Variants in LRRC49 observed in about 807,000 individuals in gnomAD.
The protein encoded by LRRC49 is leucine rich repeat containing 49, also known as leucine-rich repeat-containing protein 49.
A neutral mutation model predicts 83.3 loss-of-function variants in LRRC49; 50 were observed. That is an observed-to-expected ratio of 0.60 (90% CI 0.48 to 0.76). The LOEUF (loss-of-function observed/expected upper bound fraction) is 0.76, where lower values mean the gene tolerates loss of function less well. Among genes scored for constraint, LRRC49 ranks in the 30% least tolerant of loss-of-function variants. The probability of loss-of-function intolerance (pLI) is 0.00; values close to 1 mark genes in which losing one functional copy is unlikely to be tolerated. For missense variants in LRRC49, 704 were observed against 809.1 expected (o/e 0.87, Z 1.58); for synonymous variants, 286 against 283.3 (o/e 1.01, Z -0.10).
At chr15:70,924,393 C>T (rs1427044312) in intron 7 of LRRC49, among the ~76,000 whole-genome samples, 1 of 151,588 alleles carries the variant, frequency 6.6e-6, no homozygotes, top group African/African-American at 2.4e-5. Flanking sequence ...TTTTTATTTT[C>T]TTCTGTCTTA....
At chr15:70,870,262 T>A (rs1488666779) in intron 1 of LRRC49, among the ~76,000 whole-genome samples, 2 of 152,258 alleles carry the variant, frequency 1.3e-5, no homozygotes, top group African/African-American at 4.8e-5. Context: ...CAAATTGAAT[T>A]GGGAGGGATT....
intron 11 of LRRC49, among the ~76,000 whole-genome samples, chr15:70,990,441 G>T (rs969840742): frequency 6.6e-6 from 1 of 152,230 alleles, no homozygotes; most frequent in Non-Finnish European, 1.5e-5. Flanking sequence ...TCCGAGCCAG[G>T]TGCGGGATAT....
At chr15:71,043,863 G>T (rs992866367) in intron 15 of LRRC49, among the ~76,000 whole-genome samples, 7 of 152,022 alleles carry the variant, frequency 4.6e-5, no homozygotes, top group Admixed American at 2.0e-4. Context: ...TCATTTAATT[G>T]TTTTAATTTT....
At chr15:70,869,806 T>A (rs2032990213) in intron 1 of LRRC49, among the ~76,000 whole-genome samples, 1 of 152,222 alleles carries the variant, frequency 6.6e-6, no homozygotes, top group Non-Finnish European at 1.5e-5. Flanking sequence ...GAAAGTGGGT[T>A]TCTCCTCTTT....
chr15:71,025,412 C>T (rs2141282098), intron 14 of LRRC49, among the ~76,000 whole-genome samples: 1 of 152,062 alleles, frequency 6.6e-6, no homozygotes, highest in African/African-American at 2.4e-5. Context: ...ACTGCAAAAA[C>T]ACACTGAAGT....
At chr15:70,953,463 C>T (rs1005161452) in intron 8 of LRRC49, among the ~76,000 whole-genome samples, 1 of 152,200 alleles carries the variant, frequency 6.6e-6, no homozygotes, top group Non-Finnish European at 1.5e-5. Flanking sequence ...GACCCCAAAT[C>T]TCTTCTGGCT....
At chr15:70,975,288 A>G (rs1308033314) in intron 9 of LRRC49, among the ~76,000 whole-genome samples, 1 of 152,164 alleles carries the variant, frequency 6.6e-6, no homozygotes. Flanking sequence ...GAGAGAACAG[A>G]CACATGTTGA....
intron 15 of LRRC49, among the ~76,000 whole-genome samples, chr15:71,044,193 T>C (rs945056235): frequency 7.2e-5 from 11 of 152,182 alleles, no homozygotes; most frequent in African/African-American, 2.7e-4. Context: ...CAGACTATAG[T>C]ATTTCAGAGT....
chr15:70,873,545 T>C (rs542562426), intron 2 of LRRC49, among the ~76,000 whole-genome samples: 100 of 152,116 alleles, frequency 6.6e-4, no homozygotes, highest in Non-Finnish European at 1.8e-4. Context: ...GCTTGGCGGA[T>C]TTGCTGGACT....
chr15:70,930,386 C>G (rs528743955), intron 7 of LRRC49, among the ~76,000 whole-genome samples: 4 of 151,826 alleles, frequency 2.6e-5, no homozygotes, highest in African/African-American at 9.7e-5. Context: ...GTAAACCATG[C>G]TGCAGACAGA....
intron 8 of LRRC49, among the ~76,000 whole-genome samples, chr15:70,954,658 A>G (rs2036334452): frequency 6.6e-6 from 1 of 152,136 alleles, no homozygotes; most frequent in South Asian, 2.1e-4. Context: ...TAAGCTGGAT[A>G]TAGTTGAATC....
intron 1 of LRRC49, among the ~76,000 whole-genome samples, chr15:70,869,411 C>G (rs2032981585): frequency 6.6e-6 from 1 of 152,130 alleles, no homozygotes; most frequent in South Asian, 2.1e-4. Flanking sequence ...CCAAATGATC[C>G]CACCCTTTCA....
chr15:71,020,044 T>C (rs898000519), intron 14 of LRRC49, among the ~76,000 whole-genome samples: 6 of 152,176 alleles, frequency 3.9e-5, no homozygotes, highest in African/African-American at 1.4e-4. Flanking sequence ...ATAAAACGAC[T>C]GTGCCTGCTA....
intron 11 of LRRC49, among the ~76,000 whole-genome samples, chr15:70,986,771 T>C (rs1233160827): frequency 1.3e-5 from 2 of 152,218 alleles, no homozygotes; most frequent in African/African-American, 2.4e-5. Context: ...GGCTGTGGGA[T>C]TGTCATAGAT....
chr15:70,979,115 G>A (rs947762296), intron 9 of LRRC49, among the ~76,000 whole-genome samples: 1 of 151,878 alleles, frequency 6.6e-6, no homozygotes, highest in Admixed American at 6.6e-5. Context: ...AAGTTACGTG[G>A]TTATAATTTA....
intron 14 of LRRC49, among the ~76,000 whole-genome samples, chr15:71,015,027 T>C (rs2038779788): frequency 6.6e-6 from 1 of 152,198 alleles, no homozygotes; most frequent in Admixed American, 6.5e-5. Context: ...TCAAAAAGCA[T>C]ACTCATACAG....
chr15:70,891,981 T>G (rs1337102721), upstream of LRRC49: 4 of 1,613,300 alleles, frequency 2.5e-6, no homozygotes, highest in Non-Finnish European at 3.4e-6. Context: ...TCTCCCCTCT[T>G]AGGTGCCGGG....
intron 14 of LRRC49, among the ~76,000 whole-genome samples, chr15:71,026,185 CT>C (rs2039165776): frequency 6.6e-6 from 1 of 151,920 alleles, no homozygotes; most frequent in Admixed American, 6.6e-5. Context: ...TTCTGCTCCT[CT>C]GTTGGTTTGC....
At chr15:70,981,891 C>CTTTTTTTTTTT (rs11339326) in intron 10 of LRRC49, among the ~76,000 whole-genome samples, 2 of 112,106 alleles carry the variant, frequency 1.8e-5, no homozygotes, top group Non-Finnish European at 1.9e-5. Flanking sequence ...TTTGCTTCTT[C>CTTTTTTTTTTT]TTTTTTTTTT....
Sources: allele counts gnomAD v4.1 joint callset (sites outside exome capture counted in the v4.1 genomes callset), GRCh38; gene constraint gnomAD v4.1.1; transcripts MANE v1.5; gene names NCBI Gene and HGNC (gene_info 2026-07-23, HGNC 2026-07-21).